STK24: variants seen among roughly 807,000 people sequenced by gnomAD.
The protein encoded by STK24 is serine/threonine kinase 24, also known as serine/threonine-protein kinase 24.
In STK24, 21 loss-of-function variants were observed where a neutral mutation model predicts 55.6. The ratio of observed to expected loss-of-function variants is 0.38; its 90% CI spans 0.27 to 0.54. STK24 has a LOEUF of 0.54. Among genes scored for constraint, STK24 ranks in the 20% least tolerant of loss-of-function variants. STK24 has a pLI of 0.79. For missense variants in STK24, 383 were observed against 538.4 expected, an observed-to-expected ratio of 0.71 and a Z score of 2.86; for synonymous variants, 200 against 215.2, an observed-to-expected ratio of 0.93 and a Z score of 0.62.
intron 1 of STK24, among the ~76,000 whole-genome samples, chr13:98,565,140 G>C (rs561690862): frequency 1.3e-5 from 2 of 152,150 alleles, no homozygotes; most frequent in African/African-American, 4.8e-5. Flanking sequence ...GAGCAATGAG[G>C]ATTCAGGATT....
chr13:98,475,122 C>A lies in STK24; in HGVS notation c.439+128G>T, dbSNP rs75030391. The A allele has an allele frequency of 2.5e-3, 3,445 of 1,398,478 alleles. 57 individuals carry two copies. In the African/African-American group the frequency reaches 0.039, roughly 16 times the overall value. 86.6% of individuals were successfully genotyped at this position (1,398,478 alleles called of 1,614,324 possible). On this transcript the variant is annotated intron_variant, in intron 4 of 10. Coordinates refer to ENST00000539966, the MANE Select transcript of STK24 (RefSeq NM_001032296.4). ...CACTTTTTGTCAGACCCCCTCAAAG[C>A]CAGCCCAGCCCAGGCAAGGCAAACG...
chr13:98,536,975 C>T (rs954923336), intron 1 of STK24, among the ~76,000 whole-genome samples: 1 of 152,154 alleles, frequency 6.6e-6, no homozygotes, highest in South Asian at 2.1e-4. Context: ...GGCCGGAGCC[C>T]GCCCCTCCCG....
chr13:98,546,310 A>C (rs1897028026), intron 1 of STK24, among the ~76,000 whole-genome samples: 1 of 146,722 alleles, frequency 6.8e-6, no homozygotes, highest in African/African-American at 2.4e-5. Flanking sequence ...GCAGATCTCA[A>C]ATGGCCTGGT....
Position 98,446,266 on chromosome 13 carries a change from G to A in STK24, c.*6907C>T. ...CTTGGGGGTGGCAGCATGAGGTGAGGGGGCCGCCCTCCTCTGGAATGACTC... is the reference window on the plus strand; with the variant it reads ...CTTGGGGGTGGCAGCATGAGGTGAGAGGGCCGCCCTCCTCTGGAATGACTC... On this transcript the variant is annotated 3_prime_UTR_variant, in exon 11 of 11. Coordinates refer to ENST00000539966, the MANE Select transcript of STK24 (RefSeq NM_001032296.4). 9.3e-7 allele frequency: 1 copy of A among 1,077,672 alleles called. No individual in the cohort carries two copies. The highest frequency in any genetic ancestry group is 1.4e-6 in the Non-Finnish European group (1 of 704,788). The allele number at this position is 1,077,672 out of a possible 1,614,324, so 66.8% of individuals were successfully genotyped here. A position where few individuals can be genotyped will look rare whatever the true frequency, so the allele number is the denominator to read the frequency against.
intron 2 of STK24, among the ~76,000 whole-genome samples, chr13:98,484,580 C>T (rs982533755): frequency 3.9e-5 from 6 of 152,212 alleles, no homozygotes; most frequent in Admixed American, 3.3e-4. Flanking sequence ...ACCACCCCCT[C>T]GTCCTTCTGC....
At chr13:98,509,310 C>T (rs1349888108) in intron 2 of STK24, among the ~76,000 whole-genome samples, 1 of 151,990 alleles carries the variant, frequency 6.6e-6, no homozygotes, top group African/African-American at 2.4e-5. Context: ...TTGCCAAGAA[C>T]GTAGACAAAC....
chr13:98,483,353 C>T (rs769617483), intron 2 of STK24, among the ~76,000 whole-genome samples: 22 of 152,024 alleles, frequency 1.4e-4, no homozygotes, highest in Non-Finnish European at 2.4e-4. Flanking sequence ...CAGCCTGCTC[C>T]GCTGCTGACT....
At chr13:98,462,754 C>T (rs889878760) in intron 7 of STK24, among the ~76,000 whole-genome samples, 9 of 152,318 alleles carry the variant, frequency 5.9e-5, no homozygotes. Context: ...CTCTCCTGGA[C>T]AACTCAGACT....
chr13:98,504,055 A>AT (rs1271438959), intron 2 of STK24, among the ~76,000 whole-genome samples: 1 of 152,204 alleles, frequency 6.6e-6, no homozygotes, highest in Non-Finnish European at 1.5e-5. Flanking sequence ...TTGGGTTAAA[A>AT]TCGACTTCTC....
chr13:98,534,685 C>T (rs547185310), intron 1 of STK24, among the ~76,000 whole-genome samples: 9 of 152,266 alleles, frequency 5.9e-5, no homozygotes, highest in South Asian at 4.1e-4. Flanking sequence ...CCACCCAGAC[C>T]GGTAATCTGG....
chr13:98,515,606 A>G (rs952906190), intron 2 of STK24, among the ~76,000 whole-genome samples: 3 of 152,204 alleles, frequency 2.0e-5, no homozygotes, highest in African/African-American at 7.2e-5. Flanking sequence ...AAAATGCTAC[A>G]AAGCAATTTT....
chr13:98,521,893 T>C, intron 1 of STK24: 1 of 901,128 alleles, frequency 1.1e-6, no homozygotes, highest in Non-Finnish European at 1.9e-6. Context: ...GTAACCCCCT[T>C]CTCGCTCCTT....
Position 98,445,586 on chromosome 13 carries a change from C to T in STK24, c.*7587G>A, listed in dbSNP as rs762632540. On this transcript the variant is annotated 3_prime_UTR_variant, in exon 11 of 11. Coordinates refer to ENST00000539966, the MANE Select transcript of STK24 (RefSeq NM_001032296.4). The stretch of plus-strand genomic sequence containing the variant: ...GGGTAGGGTGCCTGGCCCCTCAAAA[C>T]GAGTGCTGCTCTGAGCTTGTTGGGA... The T allele has an allele frequency of 3.3e-5, 5 of 152,424 alleles. No individual in the cohort carries two copies. The highest frequency in any genetic ancestry group is 6.5e-5 in the Admixed American group (1 of 15,294). 9.4% of individuals were successfully genotyped at this position (152,424 alleles called of 1,614,324 possible). A position where few individuals can be genotyped will look rare whatever the true frequency, so the allele number is the denominator to read the frequency against.
At chr13:98,464,576 A>C (rs1893859491) in intron 6 of STK24, among the ~76,000 whole-genome samples, 1 of 147,174 alleles carries the variant, frequency 6.8e-6, no homozygotes, top group Non-Finnish European at 1.5e-5. Context: ...GGCTCACTAC[A>C]ACCTCGCCTC....
In STK24 at chr13:98,452,950, T is replaced by C; in HGVS notation, c.*223A>G. On this transcript the variant is annotated 3_prime_UTR_variant, in exon 11 of 11. Coordinates refer to ENST00000539966, the MANE Select transcript of STK24 (RefSeq NM_001032296.4). ...ACAAAAGTAATAAAATAAAATAAAA[T>C]GATCGCTGGAAGGAGCTGACCCTCC... 2 of 446,988 alleles carry C rather than the reference T, an allele frequency of 4.5e-6. No homozygotes were observed. Among genetic ancestry groups the C allele is most frequent in the South Asian group, 5.5e-5 (1 of 18,026 alleles). 27.7% of individuals were successfully genotyped at this position (446,988 alleles called of 1,614,324 possible).
intron 5 of STK24, among the ~76,000 whole-genome samples, chr13:98,472,389 G>A (rs1894186568): frequency 6.6e-6 from 1 of 152,210 alleles, no homozygotes; most frequent in Admixed American, 6.5e-5. Context: ...GGTGGGTGCG[G>A]ATGGCTCAGG....
intron 1 of STK24, among the ~76,000 whole-genome samples, chr13:98,548,668 C>T (rs1897087991): frequency 6.6e-6 from 1 of 151,890 alleles, no homozygotes; most frequent in Admixed American, 6.6e-5. Flanking sequence ...TCGAGACCAC[C>T]CTGGCCAACA....
chr13:98,481,990 C>G (rs953718865), intron 3 of STK24, among the ~76,000 whole-genome samples: 1 of 151,476 alleles, frequency 6.6e-6, no homozygotes, highest in Non-Finnish European at 1.5e-5. Context: ...TCGCTTGTAC[C>G]CAGGAAGTAG....
At chr13:98,488,596 A>C (rs1172859471) in intron 2 of STK24, among the ~76,000 whole-genome samples, 1 of 152,144 alleles carries the variant, frequency 6.6e-6, no homozygotes, top group South Asian at 2.1e-4. Context: ...TAGGAGCTGC[A>C]AACACTAGCT....
Sources: allele counts gnomAD v4.1 joint callset (sites outside exome capture counted in the v4.1 genomes callset), GRCh38; gene constraint gnomAD v4.1.1; transcripts MANE v1.5; gene names NCBI Gene and HGNC (gene_info 2026-07-23, HGNC 2026-07-21).